The following RBFOX1 variants were observed in gnomAD, a reference collection of about 807,000 sequenced individuals.
The protein encoded by RBFOX1 is RNA binding fox-1 homolog 1, also known as RNA binding protein fox-1 homolog 1.
A neutral mutation model predicts 57.7 loss-of-function variants in RBFOX1; 8 were observed. That is an observed-to-expected ratio of 0.14 (90% CI 0.08 to 0.25). The LOEUF is 0.25. RBFOX1 is among the 10% of genes least tolerant of loss of function. The pLI, the probability that RBFOX1 is intolerant of heterozygous loss-of-function variation, is 1.00. For synonymous variants in RBFOX1, 326 were observed against 222.4 expected (o/e 1.47, Z -4.15); for missense variants, 611 against 548.5 (o/e 1.11, Z -1.14).
At chr16:7,033,080 C>G (rs573208385) in intron 3 of RBFOX1, among the ~76,000 whole-genome samples, 1 of 152,152 alleles carries the variant, frequency 6.6e-6, no homozygotes, top group Non-Finnish European at 1.5e-5. Context: ...AAAGGAATGC[C>G]AACTCTCTCC....
intron 2 of RBFOX1, among the ~76,000 whole-genome samples, chr16:6,385,171 A>G (rs1004176938): frequency 6.6e-5 from 10 of 152,228 alleles, no homozygotes. Context: ...CTCAGTGTGG[A>G]CAAGATAAAG....
intron 3 of RBFOX1, among the ~76,000 whole-genome samples, chr16:6,746,307 A>G (rs2073620566): frequency 6.6e-6 from 1 of 152,176 alleles, no homozygotes; most frequent in Non-Finnish European, 1.5e-5. Flanking sequence ...TGAATGGCCA[A>G]AATATCTTTG....
At chr16:5,486,254 C>T (rs116242972) in intron 2 of RBFOX1, among the ~76,000 whole-genome samples, 3 of 152,180 alleles carry the variant, frequency 2.0e-5, no homozygotes, top group African/African-American at 7.2e-5. Flanking sequence ...CATCAAGGGT[C>T]ATCTCATGTC....
chr16:6,767,882 C>G (rs969862208), intron 3 of RBFOX1, among the ~76,000 whole-genome samples: 13 of 148,692 alleles, frequency 8.7e-5, no homozygotes, highest in Non-Finnish European at 1.8e-4. Flanking sequence ...CCATTGCACT[C>G]CAGCCTGGGC....
In RBFOX1 at chr16:5,767,491, T is replaced by G. The variant is rs150482999; in HGVS notation, c.319-99812T>G. On this transcript the variant is annotated intron_variant, in intron 3 of 19. Transcript: ENST00000641259. ...TGTGGATAGAAAGGCATGAAGCATG[T>G]GTGTATGGGTTCAGAGCCCCTGTGC... 4.9e-3 allele frequency among the ~76,000 whole-genome samples: 744 copies of G among 152,234 alleles called. 7 individuals carry two copies. The highest frequency in any genetic ancestry group is 0.013 in the Admixed American group (197 of 15,300).
chr16:7,044,646 CT>C (rs890329089), intron 3 of RBFOX1, among the ~76,000 whole-genome samples: 3 of 152,060 alleles, frequency 2.0e-5, no homozygotes, highest in African/African-American at 7.2e-5. Context: ...TTCCACTTTA[CT>C]TTTTTTCATT....
intron 3 of RBFOX1, among the ~76,000 whole-genome samples, chr16:7,034,841 C>CTTTCTTTTTT (rs2043856073): frequency 7.7e-5 from 3 of 39,166 alleles, no homozygotes; most frequent in Non-Finnish European, 4.4e-5. Flanking sequence ...TTTTTTTTTT[C>CTTTCTTTTTT]TTTTTTCTTT....
At chr16:5,871,566 G>C (rs1318714477) in intron 4 of RBFOX1, among the ~76,000 whole-genome samples, 2 of 152,116 alleles carry the variant, frequency 1.3e-5, no homozygotes, top group Non-Finnish European at 2.9e-5. Flanking sequence ...TTGCCCTGCT[G>C]AGAGAGAACG....
At chr16:5,599,022 G>A (rs985797173) in exon 3 of RBFOX1, 19 of 1,369,014 alleles carry the variant, frequency 1.4e-5, no homozygotes, top group Middle Eastern at 1.8e-4. Context: ...ATCCTTTTCA[G>A]CCTCTTTGGT....
At chr16:6,198,857 A>G (rs1429462092) in intron 1 of RBFOX1, among the ~76,000 whole-genome samples, 1 of 152,142 alleles carries the variant, frequency 6.6e-6, no homozygotes, top group Non-Finnish European at 1.5e-5. Flanking sequence ...CATCAAGATG[A>G]GCTCTAGAAA....
At chr16:5,585,053 A>G (rs1221313346) in intron 2 of RBFOX1, among the ~76,000 whole-genome samples, 2 of 152,176 alleles carry the variant, frequency 1.3e-5, no homozygotes, top group Non-Finnish European at 1.5e-5. Context: ...GGAGTTAACA[A>G]TTCAGTGGCA....
chr16:7,307,023 TATG>T (rs2096205675), intron 4 of RBFOX1, among the ~76,000 whole-genome samples: 1 of 152,248 alleles, frequency 6.6e-6, no homozygotes, highest in African/African-American at 2.4e-5. Context: ...AGGCAACATT[TATG>T]ATAAGTAACA....
intron 10 of RBFOX1, among the ~76,000 whole-genome samples, chr16:7,621,683 A>G (rs903400917): frequency 2.6e-5 from 4 of 152,360 alleles, no homozygotes; most frequent in African/African-American, 9.6e-5. Flanking sequence ...TTTGGCAAGT[A>G]TTGATCAAAT....
chr16:5,846,538 A>G (rs1165227470), intron 3 of RBFOX1, among the ~76,000 whole-genome samples: 2 of 152,112 alleles, frequency 1.3e-5, no homozygotes, highest in African/African-American at 4.8e-5. Context: ...TAGATGGAGG[A>G]ATGGAGGCTC....
chr16:6,087,351 A>T (rs1725231881), intron 1 of RBFOX1, among the ~76,000 whole-genome samples: 1 of 152,150 alleles, frequency 6.6e-6, no homozygotes, highest in African/African-American at 2.4e-5. Context: ...GTTCTTCTTT[A>T]ACGTTTATAT....
At chr16:5,292,411 G>C (rs879878276) in intron 1 of RBFOX1, among the ~76,000 whole-genome samples, 3 of 152,148 alleles carry the variant, frequency 2.0e-5, no homozygotes, top group Admixed American at 1.3e-4. Context: ...ATTTTTTTCA[G>C]TTTTAATGTT....
chr16:7,062,372 A>C (rs7197050), intron 4 of RBFOX1, among the ~76,000 whole-genome samples: 106,174 of 148,304 alleles, frequency 0.72, 38,665 homozygotes, highest in East Asian at 0.91. Flanking sequence ...AATGAGATAT[A>C]AAAGCTTTCT....
intron 9 of RBFOX1, among the ~76,000 whole-genome samples, chr16:7,605,884 G>T (rs2095264643): frequency 6.6e-6 from 1 of 152,008 alleles, no homozygotes; most frequent in Non-Finnish European, 1.5e-5. Context: ...TGTCACCTAG[G>T]CTGGAGTACA....
intron 1 of RBFOX1, among the ~76,000 whole-genome samples, chr16:5,321,905 C>G (rs965319814): frequency 1.3e-5 from 2 of 152,148 alleles, no homozygotes; most frequent in African/African-American, 4.8e-5. Context: ...GCTGCACGGC[C>G]TTACGGGGCA....
Sources: allele counts gnomAD v4.1 joint callset (sites outside exome capture counted in the v4.1 genomes callset), GRCh38; gene constraint gnomAD v4.1.1; transcripts MANE v1.5; gene names NCBI Gene and HGNC (gene_info 2026-07-23, HGNC 2026-07-21).